SMURF2: variants seen among roughly 807,000 people sequenced by gnomAD.
The protein encoded by SMURF2 is SMAD specific E3 ubiquitin protein ligase 2.
In SMURF2, 48 loss-of-function variants were observed where a neutral mutation model predicts 109.6. The observed-to-expected ratio is 0.44, with a 90% CI of 0.35 to 0.56. The LOEUF (loss-of-function observed/expected upper bound fraction) is 0.56, where lower values mean the gene tolerates loss of function less well. Ranked by LOEUF, SMURF2 falls within the 20% of genes least tolerant of loss-of-function variation. The probability of loss-of-function intolerance (pLI) is 0.01; values close to 1 mark genes in which losing one functional copy is unlikely to be tolerated. For synonymous variants in SMURF2, 288 were observed against 317.1 expected (o/e 0.91, Z 0.97); for missense variants, 575 against 909.0 (o/e 0.63, Z 4.72).
intron 1 of SMURF2, among the ~76,000 whole-genome samples, chr17:64,623,542 C>T (rs1970231171): frequency 6.6e-6 from 1 of 152,196 alleles, no homozygotes; most frequent in Admixed American, 6.5e-5. Flanking sequence ...TTTTCCACTG[C>T]TCCTCCCTTT....
At chr17:64,555,694 C>T (rs1282349168) in intron 14 of SMURF2, 126 bp downstream of exon 14, 28 of 558,608 alleles carry the variant, frequency 5.0e-5, no homozygotes, top group African/African-American at 1.2e-4. Flanking sequence ...AAATCATATG[C>T]GATCCTATCA....
chr17:64,555,045 C>G (rs944828164), intron 14 of SMURF2, 52 bp from the exon 15 acceptor site: 1 of 1,473,282 alleles, frequency 6.8e-7, no homozygotes. Context: ...AAATACAGAC[C>G]CTATAGATGT....
At chr17:64,632,475 A>G (rs1970364728) in intron 1 of SMURF2, among the ~76,000 whole-genome samples, 1 of 152,112 alleles carries the variant, frequency 6.6e-6, no homozygotes, top group Non-Finnish European at 1.5e-5. Flanking sequence ...AACCAAATCC[A>G]TTTCCAATTG....
intron 5 of SMURF2, among the ~76,000 whole-genome samples, chr17:64,586,659 G>A (rs1313470898): frequency 2.7e-5 from 4 of 149,302 alleles, no homozygotes; most frequent in African/African-American, 7.5e-5. Context: ...GCTGAGGCAG[G>A]AGAATCGCTT....
chr17:64,629,694 G>A (rs1970312306), intron 1 of SMURF2, among the ~76,000 whole-genome samples: 1 of 152,148 alleles, frequency 6.6e-6, no homozygotes, highest in African/African-American at 2.4e-5. Flanking sequence ...TCCTTTAATG[G>A]ATTAAAACCA....
intron 8 of SMURF2, among the ~76,000 whole-genome samples, chr17:64,579,482 A>G (rs1555686335): frequency 6.6e-6 from 1 of 152,208 alleles, no homozygotes; most frequent in East Asian, 1.9e-4. Flanking sequence ...GACAGCTGTA[A>G]TAACTTCAGC....
intron 1 of SMURF2, among the ~76,000 whole-genome samples, chr17:64,636,892 T>C: frequency 6.6e-6 from 1 of 152,118 alleles, no homozygotes; most frequent in East Asian, 1.9e-4. Context: ...AGCTTTCTTA[T>C]TAGTGTCCTT....
chr17:64,613,673 AGTGT>A (rs61060865), intron 1 of SMURF2, among the ~76,000 whole-genome samples: 465 of 20,738 alleles, frequency 0.022, 6 homozygotes, highest in Middle Eastern at 0.031. Context: ...TCCACGGACC[AGTGT>A]GTGTGTGTGT....
At chr17:64,591,609 G>GC (rs1969752408) in intron 4 of SMURF2, among the ~76,000 whole-genome samples, 1 of 152,162 alleles carries the variant, frequency 6.6e-6, no homozygotes, top group Admixed American at 6.5e-5. Flanking sequence ...ATCTGGGTTT[G>GC]CATCAGTTCT....
chr17:64,659,516 C>CT lies in SMURF2; in HGVS notation c.52+2312dup, dbSNP rs60004963. 2.5e-3 allele frequency among the ~76,000 whole-genome samples: 338 copies of CT among 135,622 alleles called. 1 individual carries two copies. Among genetic ancestry groups the CT allele is most frequent in the African/African-American group, 7.1e-3 (256 of 36,110 alleles). The allele number at this position is 135,622 out of a possible 152,430, so 89.0% of individuals were successfully genotyped here. On this transcript the variant is annotated intron_variant, in intron 1 of 18. Transcript: ENST00000262435. Reference sequence around the variant, plus strand: ...TCTTAAGGTCTTCACAAAGAATCAACTTTTTTTTTTTTTTTTTTTTTAAAC... The same window carrying CT: ...TCTTAAGGTCTTCACAAAGAATCAACTTTTTTTTTTTTTTTTTTTTTTAAAC...
At chr17:64,555,606 G>GT (rs1969107547) in intron 14 of SMURF2, among the ~76,000 whole-genome samples, 1 of 152,092 alleles carries the variant, frequency 6.6e-6, no homozygotes, top group African/African-American at 2.4e-5. Context: ...TATACTAGTT[G>GT]TTTTTTCCTT....
At chr17:64,592,765 C>G (rs560780487) in intron 4 of SMURF2, among the ~76,000 whole-genome samples, 1 of 152,294 alleles carries the variant, frequency 6.6e-6, no homozygotes, top group African/African-American at 2.4e-5. Context: ...AAAGACTCAC[C>G]TGGTTATGCT....
intron 6 of SMURF2, among the ~76,000 whole-genome samples, chr17:64,584,364 T>TTTTTTTTTC (rs1555686863): frequency 6.9e-6 from 1 of 144,158 alleles, no homozygotes; most frequent in African/African-American, 2.6e-5. Context: ...TTTTTTTCTT[T>TTTTTTTTTC]TTTTTTTTTT....
chr17:64,640,951 A>C (rs1970486038), intron 1 of SMURF2, among the ~76,000 whole-genome samples: 1 of 151,834 alleles, frequency 6.6e-6, no homozygotes, highest in Non-Finnish European at 1.5e-5. Flanking sequence ...AAAAAAGAAA[A>C]ACAATGCAGA....
At chr17:64,592,211 G>C (rs1555687751) in intron 4 of SMURF2, among the ~76,000 whole-genome samples, 2 of 152,120 alleles carry the variant, frequency 1.3e-5, no homozygotes, top group Admixed American at 6.6e-5. Flanking sequence ...TATACAGCCA[G>C]GGTTTAGAAC....
chr17:64,652,759 G>A (rs1406458590), intron 1 of SMURF2, among the ~76,000 whole-genome samples: 1 of 152,084 alleles, frequency 6.6e-6, no homozygotes, highest in Non-Finnish European at 1.5e-5. Flanking sequence ...GAATAGGCAT[G>A]AGCAACCGCA....
At chr17:64,591,199 G>T (rs782057308) in intron 4 of SMURF2, 50 bp from the exon 5 acceptor site, 18 of 1,288,610 alleles carry the variant, frequency 1.4e-5, no homozygotes, top group Non-Finnish European at 1.9e-5. Flanking sequence ...TGGTATCAGA[G>T]ATTCTAACAT....
chr17:64,573,635 A>G (rs1259177556), intron 9 of SMURF2, among the ~76,000 whole-genome samples: 2 of 152,154 alleles, frequency 1.3e-5, no homozygotes, highest in Non-Finnish European at 2.9e-5. Context: ...CGGGGGACTG[A>G]GTAAAGATGG....
intron 1 of SMURF2, among the ~76,000 whole-genome samples, chr17:64,648,058 T>TA (rs56131846): frequency 0.018 from 321 of 17,692 alleles, 51 homozygotes; most frequent in Non-Finnish European, 0.025. Flanking sequence ...CCCTATCTCT[T>TA]AAAAAAAAAA....
Sources: gnomAD v4.1 joint callset for allele counts (sites outside exome capture counted in the v4.1 genomes callset) on GRCh38, gnomAD v4.1.1 for gene constraint, MANE v1.5 for transcripts, NCBI Gene and HGNC (gene_info 2026-07-23, HGNC 2026-07-21) for gene names.